Variants in SLC12A8 observed in about 807,000 individuals in gnomAD.
The protein encoded by SLC12A8 is cation-chloride cotransporter 9.
Under a neutral mutation model 75.6 loss-of-function variants are expected in SLC12A8, and 69 were observed. That is an observed-to-expected ratio of 0.91 (90% CI 0.75 to 1.11). The LOEUF is 1.11. Among genes scored for constraint, SLC12A8 ranks in the 50% most tolerant of loss-of-function variants. The pLI is 0.00. For synonymous variants in SLC12A8, 365 were observed against 372.8 expected, an observed-to-expected ratio of 0.98 and a Z score of 0.24; for missense variants, 877 against 896.7, an observed-to-expected ratio of 0.98 and a Z score of 0.28.
At chr3:125,142,173 G>A (rs907627698) in intron 5 of SLC12A8, among the ~76,000 whole-genome samples, 40 of 152,204 alleles carry the variant, frequency 2.6e-4, no homozygotes, top group African/African-American at 9.4e-4. Context: ...CAGGGGGTCC[G>A]CGGAAAGGGG....
chr3:125,141,822 G>A (rs1016516461), intron 5 of SLC12A8, among the ~76,000 whole-genome samples: 2 of 151,966 alleles, frequency 1.3e-5, no homozygotes, highest in African/African-American at 4.8e-5. Context: ...AGAGGCTGGC[G>A]CAACCGAGAA....
chr3:125,115,724 C>T (rs966148697), intron 8 of SLC12A8, among the ~76,000 whole-genome samples: 4 of 151,932 alleles, frequency 2.6e-5, no homozygotes, highest in South Asian at 2.1e-4. Context: ...AGAAAGCCCC[C>T]GAGAGAGAGG....
At chr3:125,125,430 G>A (rs759625993) in intron 6 of SLC12A8, among the ~76,000 whole-genome samples, 6 of 152,056 alleles carry the variant, frequency 3.9e-5, no homozygotes, top group South Asian at 2.1e-4. Flanking sequence ...ATGGTGGCAC[G>A]CACCTGTAGT....
At chr3:125,109,520 G>A (rs1338686357) in intron 9 of SLC12A8, among the ~76,000 whole-genome samples, 3 of 152,198 alleles carry the variant, frequency 2.0e-5, no homozygotes, top group Non-Finnish European at 4.4e-5. Flanking sequence ...CGGCTGGGGA[G>A]GCCCTCTGGG....
At chr3:125,158,657 A>C (rs1483238251) in intron 5 of SLC12A8, among the ~76,000 whole-genome samples, 2 of 152,216 alleles carry the variant, frequency 1.3e-5, no homozygotes, top group Non-Finnish European at 2.9e-5. Context: ...TGATACCTAA[A>C]AACTTGCTTC....
chr3:125,121,020 G>C (rs1933045502), intron 6 of SLC12A8: 1 of 630,540 alleles, frequency 1.6e-6, no homozygotes, highest in Non-Finnish European at 2.8e-6. Context: ...TGCTGAGCTG[G>C]GACAATGCCC....
At chr3:125,104,960 C>A (rs1427026196) in intron 10 of SLC12A8, among the ~76,000 whole-genome samples, 1 of 152,108 alleles carries the variant, frequency 6.6e-6, no homozygotes, top group Admixed American at 6.5e-5. Context: ...CCATGGCAGC[C>A]ATGGACTGCC....
At chr3:125,084,342 G>T (rs1391067587) in intron 13 of SLC12A8, among the ~76,000 whole-genome samples, 1 of 151,864 alleles carries the variant, frequency 6.6e-6, no homozygotes. Context: ...GAGAGGTTTT[G>T]CCCTCCAAAT....
chr3:125,190,835 G>T (rs1303306958), intron 2 of SLC12A8, among the ~76,000 whole-genome samples: 1 of 152,176 alleles, frequency 6.6e-6, no homozygotes, highest in Non-Finnish European at 1.5e-5. Context: ...AAGTAGTCAG[G>T]GAGTCAGGTA....
At chr3:125,147,696 C>T (rs777798177) in intron 5 of SLC12A8, among the ~76,000 whole-genome samples, 23 of 152,058 alleles carry the variant, frequency 1.5e-4, no homozygotes, top group Admixed American at 5.9e-4. Context: ...CCAGAGAGCA[C>T]GAGGGGAGAG....
chr3:125,201,772 A>G (rs1294277055), intron 2 of SLC12A8, among the ~76,000 whole-genome samples: 4 of 152,084 alleles, frequency 2.6e-5, no homozygotes, highest in Admixed American at 2.6e-4. Flanking sequence ...TTTCACGTCA[A>G]GCGCACCCAC....
At chr3:125,168,659 C>G (rs931033491) in intron 5 of SLC12A8, among the ~76,000 whole-genome samples, 6 of 152,162 alleles carry the variant, frequency 3.9e-5, no homozygotes, top group Non-Finnish European at 7.4e-5. Flanking sequence ...TTCAAATTAG[C>G]ATAGGTGGTC....
At chr3:125,195,600 T>A (rs1439710503) in intron 2 of SLC12A8, among the ~76,000 whole-genome samples, 1 of 151,878 alleles carries the variant, frequency 6.6e-6, no homozygotes, top group African/African-American at 2.4e-5. Flanking sequence ...CTGTTGTTTT[T>A]TTTTTTTCTC....
chr3:125,193,147 T>C (rs982330125), intron 2 of SLC12A8, among the ~76,000 whole-genome samples: 1 of 152,178 alleles, frequency 6.6e-6, no homozygotes, highest in Admixed American at 6.5e-5. Flanking sequence ...GGTGGGTGGA[T>C]CACTTGAGGT....
chr3:125,094,264 T>C (rs1398402241), intron 10 of SLC12A8, among the ~76,000 whole-genome samples: 1 of 152,182 alleles, frequency 6.6e-6, no homozygotes, highest in Non-Finnish European at 1.5e-5. Context: ...TAGTATGTTT[T>C]TGATTTCCAT....
intron 4 of SLC12A8, among the ~76,000 whole-genome samples, chr3:125,185,905 A>G (rs1934770884): frequency 6.6e-6 from 1 of 152,250 alleles, no homozygotes; most frequent in Admixed American, 6.5e-5. Context: ...ATGCTGGTGC[A>G]GTGGCGTCTC....
At chr3:125,099,202 C>T (rs1410449496) in intron 10 of SLC12A8, among the ~76,000 whole-genome samples, 1 of 151,988 alleles carries the variant, frequency 6.6e-6, no homozygotes, top group African/African-American at 2.4e-5. Context: ...CAGGGGGCAA[C>T]TCCTAGGAAG....
chr3:125,088,831 T>G (rs1938521994), intron 12 of SLC12A8, among the ~76,000 whole-genome samples: 1 of 152,220 alleles, frequency 6.6e-6, no homozygotes, highest in Non-Finnish European at 1.5e-5. Context: ...CTTAAGAATT[T>G]TTTTAACAGG....
chr3:125,209,732 C>G (rs556678863), intron 2 of SLC12A8, among the ~76,000 whole-genome samples: 1 of 152,206 alleles, frequency 6.6e-6, no homozygotes, highest in Non-Finnish European at 1.5e-5. Flanking sequence ...TGCTGTGGAA[C>G]AGAAGGGGTG....
Sources: gnomAD v4.1 joint callset for allele counts (sites outside exome capture counted in the v4.1 genomes callset) on GRCh38, gnomAD v4.1.1 for gene constraint, MANE v1.5 for transcripts, NCBI Gene and HGNC (gene_info 2026-07-23, HGNC 2026-07-21) for gene names.